SDK1: variants seen among roughly 807,000 people sequenced by gnomAD.
SDK1 encodes sidekick cell adhesion molecule 1.
A neutral mutation model predicts 245.5 loss-of-function variants in SDK1; 157 were observed. The ratio of observed to expected loss-of-function variants is 0.64; its 90% CI spans 0.56 to 0.73. The LOEUF (loss-of-function observed/expected upper bound fraction) is 0.73. Among genes scored for constraint, SDK1 ranks in the 30% least tolerant of loss-of-function variants. The pLI, the probability that SDK1 is intolerant of heterozygous loss-of-function variation, is 0.00. For synonymous variants in SDK1, 1,647 were observed against 1,278.5 expected, an observed-to-expected ratio of 1.29 and a Z score of -6.15; for missense variants, 3,583 against 3,002.3, an observed-to-expected ratio of 1.19 and a Z score of -4.52.
rs140790908 is a variant in SDK1, at chr7:3,898,345, G to A, written c.848-52578G>A. On this transcript the variant is annotated intron_variant, in intron 5 of 44. Transcript: ENST00000404826. ...CACTAGAGCAAAAAGCGCAGACATG[G>A]GACAAGCCTGCTGTCCGGTACAATG... Among the ~76,000 whole-genome samples the A allele has an allele frequency of 3.9e-3, 592 of 152,200 alleles. 3 individuals carry two copies. Among genetic ancestry groups the A allele is most frequent in the Non-Finnish European group, 6.7e-3 (453 of 68,004 alleles).
chr7:4,003,122 T>C (rs917739205), intron 14 of SDK1, among the ~76,000 whole-genome samples: 2 of 152,262 alleles, frequency 1.3e-5, no homozygotes, highest in African/African-American at 2.4e-5. Context: ...CCCAGCTCTC[T>C]GACAGCCCTC....
chr7:4,161,876 CG>C lies in SDK1; in HGVS notation c.4800+21del. On this transcript the variant is annotated intron_variant, in intron 32 of 44. Coordinates refer to ENST00000404826, the MANE Select transcript of SDK1 (RefSeq NM_152744.4). ...TGGCAGGTAAGAGCGCGGGGAATCACGCGCGTTTTGTCAAATGTGTTCTCAT... is the reference window on the plus strand; with the variant it reads ...TGGCAGGTAAGAGCGCGGGGAATCACCGCGTTTTGTCAAATGTGTTCTCAT... 6.2e-7 allele frequency: 1 copy of C among 1,608,820 alleles called. No homozygotes were observed. The highest frequency in any genetic ancestry group is 8.5e-7 in the Non-Finnish European group (1 of 1,175,262).
chr7:3,309,049 G>A (rs1779487389), intron 1 of SDK1, among the ~76,000 whole-genome samples: 1 of 152,028 alleles, frequency 6.6e-6, no homozygotes, highest in African/African-American at 2.4e-5. Context: ...GAGTAAGGAG[G>A]GATTTTGTAT....
intron 33 of SDK1, among the ~76,000 whole-genome samples, chr7:4,175,178 C>A (rs1490481283): frequency 6.6e-6 from 1 of 152,228 alleles, no homozygotes; most frequent in Non-Finnish European, 1.5e-5. Context: ...GACCCCAGTA[C>A]AGCGCCAGGC....
In SDK1 at chr7:3,951,675, C is replaced by A. The variant is rs1051035468; in HGVS notation, c.960-55C>A. 9.2e-6 allele frequency: 14 copies of A among 1,527,162 alleles called. No individual in the cohort carries two copies. The South Asian group carries it at 1.1e-4, about 12-fold the overall frequency. 94.6% of individuals were successfully genotyped at this position (1,527,162 alleles called of 1,614,324 possible). A position where few individuals can be genotyped will look rare whatever the true frequency, so the allele number is the denominator to read the frequency against. On this transcript the variant is annotated intron_variant, in intron 6 of 44. Transcript: ENST00000404826. ...TGTGCCGAGTGCCTGAGATGATGAC[C>A]GTTGCCACCTCCCTGAGTCACAATC... is the stretch of plus-strand genomic sequence containing the variant.
chr7:4,067,143 T>C (rs1365910916), intron 19 of SDK1, among the ~76,000 whole-genome samples: 1 of 152,246 alleles, frequency 6.6e-6, no homozygotes, highest in Non-Finnish European at 1.5e-5. Context: ...ATTAACAGAC[T>C]AAGGTGTCGA....
chr7:3,461,036 A>G (rs894388709), intron 1 of SDK1, among the ~76,000 whole-genome samples: 3 of 152,192 alleles, frequency 2.0e-5, no homozygotes, highest in African/African-American at 7.2e-5. Flanking sequence ...TACAGATTTA[A>G]CGGGATTTTA....
In SDK1 at chr7:3,821,480, C is replaced by A. The variant is rs201959269; in HGVS notation, c.744C>A (p.Ile248=). Residue 248 remains isoleucine (I), a synonymous_variant, in exon 5 of 45, where the codon ATC becomes ATA. Transcript: ENST00000404826. Reference sequence around the variant, plus strand: ...TCACATTGGAGAATCAGCTGGTGATCCTCGCCACCACAACCAGTGATGCCG... The same window carrying A: ...TCACATTGGAGAATCAGCTGGTGATACTCGCCACCACAACCAGTGATGCCG... ...IAITLENQLV[I]LATTTSDAGA... is the part of the protein sequence containing the mutation. 6.2e-7 allele frequency: 1 copy of A among 1,613,538 alleles called. No homozygotes were observed. Among genetic ancestry groups the A allele is most frequent in the Admixed American group, 1.7e-5 (1 of 59,958 alleles).
At chr7:3,570,941 AT>A in intron 1 of SDK1, among the ~76,000 whole-genome samples, 1 of 151,906 alleles carries the variant, frequency 6.6e-6, no homozygotes. Context: ...TTATGCATGA[AT>A]TTTTCTGTCA....
At chr7:3,645,579 G>A (rs984996993) in intron 4 of SDK1, among the ~76,000 whole-genome samples, 4 of 152,060 alleles carry the variant, frequency 2.6e-5, no homozygotes, top group African/African-American at 9.7e-5. Context: ...CTGAAACTAT[G>A]TACATCTATT....
chr7:3,906,532 C>G (rs1253367967), intron 5 of SDK1, among the ~76,000 whole-genome samples: 3 of 150,760 alleles, frequency 2.0e-5, no homozygotes, highest in Admixed American at 2.0e-4. Flanking sequence ...GTGCTATTGT[C>G]CTGCTGGTTT....
rs1281156459 is a variant in SDK1 at position 4,208,250 on chromosome 7, A to G, written c.5366A>G (p.Lys1789Arg). The G allele has an allele frequency of 6.2e-7, 1 of 1,613,884 alleles. No individual in the cohort carries two copies. Among genetic ancestry groups the G allele is most frequent in the South Asian group, 1.1e-5 (1 of 91,062 alleles). ...SAFNAAGDGP[K>R]SDPQQGRTHQ... ...TTCAACGCCGCCGGAGATGGACCTA[A>G]GAGTGACCCCCAGCAGGGGCGCACC... Residue 1789 changes from lysine to arginine, a missense_variant, in exon 37 of 45, where the codon AAG (lysine) becomes AGG (arginine). Coordinates refer to ENST00000404826, the MANE Select transcript of SDK1 (RefSeq NM_152744.4).
chr7:4,129,592 C>T (rs1016898285), intron 26 of SDK1: 11 of 1,034,002 alleles, frequency 1.1e-5, no homozygotes, highest in South Asian at 4.4e-5. Context: ...TGTTCATAAT[C>T]GAGTCTTTGT....
intron 1 of SDK1, among the ~76,000 whole-genome samples, chr7:3,350,635 C>CT (rs1422203554): frequency 6.6e-6 from 1 of 152,210 alleles, no homozygotes; most frequent in Non-Finnish European, 1.5e-5. Context: ...GGCCACAAGA[C>CT]TAACAGTCTT....
At chr7:4,195,937 C>A (rs1391615658) in intron 35 of SDK1, among the ~76,000 whole-genome samples, 1 of 152,210 alleles carries the variant, frequency 6.6e-6, no homozygotes, top group Non-Finnish European at 1.5e-5. Flanking sequence ...CAGCCCAAGT[C>A]TCTCCACCAC....
intron 25 of SDK1, among the ~76,000 whole-genome samples, chr7:4,115,473 A>G (rs550733240): frequency 1.3e-5 from 2 of 152,276 alleles, no homozygotes; most frequent in Non-Finnish European, 2.9e-5. Flanking sequence ...ATTGATGTCA[A>G]ACCCTCTTAT....
chr7:3,475,630 A>T (rs762179823), intron 1 of SDK1, among the ~76,000 whole-genome samples: 4 of 152,228 alleles, frequency 2.6e-5, no homozygotes, highest in Non-Finnish European at 5.9e-5. Flanking sequence ...AAATGACATG[A>T]TTATGTTATG....
At chr7:3,794,129 A>T (rs1778903610) in intron 4 of SDK1, among the ~76,000 whole-genome samples, 1 of 152,194 alleles carries the variant, frequency 6.6e-6, no homozygotes, top group Non-Finnish European at 1.5e-5. Flanking sequence ...TTTTTAAAAA[A>T]AGTATCATGA....
intron 8 of SDK1, 136 bp downstream of exon 8, chr7:3,959,150 G>T: frequency 1.4e-6 from 1 of 724,760 alleles, no homozygotes; most frequent in Middle Eastern, 3.7e-4. Context: ...AGAGTAGATC[G>T]GTCTTGGGGC....
Sources: allele counts gnomAD v4.1 joint callset (sites outside exome capture counted in the v4.1 genomes callset), GRCh38; gene constraint gnomAD v4.1.1; transcripts MANE v1.5; gene names NCBI Gene and HGNC (gene_info 2026-07-23, HGNC 2026-07-21).